Variants in VIPR2 observed in about 807,000 individuals in gnomAD.
The protein encoded by VIPR2 is vasoactive intestinal polypeptide receptor 2.
In VIPR2, 48 loss-of-function variants were observed where a neutral mutation model predicts 58.0. The observed-to-expected ratio is 0.83, with a 90% CI of 0.66 to 1.05. The LOEUF is 1.05. Ranked by LOEUF, VIPR2 falls within the 50% of genes least tolerant of loss-of-function variation. The pLI is 0.00. For synonymous variants in VIPR2, 243 were observed against 235.2 expected (o/e 1.03, Z -0.30); for missense variants, 534 against 558.0 (o/e 0.96, Z 0.43).
intron 7 of VIPR2, 121 bp from the exon 8 acceptor site, chr7:159,036,133 CTTGTTTA>C: frequency 8.3e-7 from 1 of 1,198,938 alleles, no homozygotes. Flanking sequence ...AGTGCAATCT[CTTGTTTA>C]AAGTCTTTGT....
At chr7:159,094,575 T>C (rs1316934182) in intron 4 of VIPR2, among the ~76,000 whole-genome samples, 2 of 152,234 alleles carry the variant, frequency 1.3e-5, no homozygotes, top group African/African-American at 4.8e-5. Flanking sequence ...TGCACTGCTG[T>C]TACCCCAAGT....
chr7:159,103,348 G>A (rs1858416234), intron 4 of VIPR2, among the ~76,000 whole-genome samples: 1 of 152,166 alleles, frequency 6.6e-6, no homozygotes, highest in South Asian at 2.1e-4. Context: ...CAGGGCTCAG[G>A]AAACCATGGC....
intron 5 of VIPR2, among the ~76,000 whole-genome samples, chr7:159,052,683 CAT>C (rs1057437591): frequency 6.6e-6 from 1 of 152,094 alleles, no homozygotes; most frequent in African/African-American, 2.4e-5. Context: ...ATATTAAAAA[CAT>C]AATATATCAA....
intron 2 of VIPR2, among the ~76,000 whole-genome samples, chr7:159,111,457 A>G (rs2129496340): frequency 6.6e-6 from 1 of 152,252 alleles, no homozygotes; most frequent in African/African-American, 2.4e-5. Flanking sequence ...AGGTTGGTGG[A>G]TCATTTGAGG....
Position 159,099,090 on chromosome 7 carries a change from G to A in VIPR2, c.357+4667C>T, listed in dbSNP as rs576775617. Among the ~76,000 whole-genome samples, 42 of 152,340 alleles carry A rather than the reference G, an allele frequency of 2.8e-4. No homozygotes were observed. The highest frequency in any genetic ancestry group is 9.6e-4 in the African/African-American group (40 of 41,580). ...GGAAGCGAGTCCCTAAACCAACCAA[G>A]TATTCAAAGTATTCAACGAGCAGAA... On this transcript the variant is annotated intron_variant, in intron 4 of 12. Transcript: ENST00000262178. This position sits in a 1 kb window ranked among gnomAD's most constrained non-coding sequence, Gnocchi z 4.2.
rs571227917 is a variant in VIPR2 at position 159,096,889 on chromosome 7, C to T, written c.357+6868G>A. ...TGGCTGAGACCACCCTCTCTGTGGC[C>T]GCCTTGCTGTCCCCGTTCCCATCAC... On this transcript the variant is annotated intron_variant, in intron 4 of 12. Transcript: ENST00000262178. This position sits in a 1 kb window ranked among gnomAD's most constrained non-coding sequence, Gnocchi z 5.5. The T allele has an allele frequency of 3.4e-5, 52 of 1,549,284 alleles. No homozygotes were observed. The East Asian group carries it at 6.8e-4, about 20-fold the overall frequency.
In VIPR2 at chr7:159,116,512, G is replaced by A. The variant is rs1002237293; in HGVS notation, c.152-6593C>T. Reference sequence around the variant, plus strand: ...GGCTGGAAGCTTCCAGGCAATGAGTGACTTTTCAATGTAGACTGGCAGTGG... The same window carrying A: ...GGCTGGAAGCTTCCAGGCAATGAGTAACTTTTCAATGTAGACTGGCAGTGG... On this transcript the variant is annotated intron_variant, in intron 2 of 12. Transcript: ENST00000262178. 2.0e-5 allele frequency among the ~76,000 whole-genome samples: 3 copies of A among 152,318 alleles called. No individual in the cohort carries two copies. The South Asian group carries it at 6.2e-4, about 32-fold the overall frequency.
At chr7:159,039,285 C>T (rs1454652561) in intron 6 of VIPR2, among the ~76,000 whole-genome samples, 3 of 151,784 alleles carry the variant, frequency 2.0e-5, no homozygotes, top group Non-Finnish European at 4.4e-5. Context: ...ATAGTGAAAC[C>T]CCATCTCTAC....
intron 4 of VIPR2, among the ~76,000 whole-genome samples, chr7:159,072,918 T>C (rs898571673): frequency 4.6e-5 from 7 of 152,244 alleles, no homozygotes; most frequent in Non-Finnish European, 1.0e-4. Flanking sequence ...ATTCTGGGGC[T>C]GTAAACATTT....
rs1294876677 is a variant in VIPR2, at chr7:159,127,533, T to A, written c.151+14913A>T. Among the ~76,000 whole-genome samples the A allele has an allele frequency of 6.6e-6, 1 of 152,220 alleles. No individual in the cohort carries two copies. Among genetic ancestry groups the A allele is most frequent in the Non-Finnish European group, 1.5e-5 (1 of 68,046 alleles). The stretch of plus-strand genomic sequence containing the variant: ...ATCCAAGTATGCTCCAAATTGAGCC[T>A]GAGTCAGTCCAATACATGTGGTTGG... On this transcript the variant is annotated intron_variant, in intron 2 of 12. Transcript: ENST00000262178. The surrounding 1 kb of genome is among the most constrained non-coding windows in gnomAD (Gnocchi z 4.6).
At position 159,127,537 on chromosome 7, in the gene VIPR2, T is replaced by G. The variant is rs1796699644; in HGVS notation, c.151+14909A>C. 6.6e-6 allele frequency among the ~76,000 whole-genome samples: 1 copy of G among 152,132 alleles called. No homozygotes were observed. Among genetic ancestry groups the G allele is most frequent in the Non-Finnish European group, 1.5e-5 (1 of 68,024 alleles). On this transcript the variant is annotated intron_variant, in intron 2 of 12. Coordinates refer to ENST00000262178, the MANE Select transcript of VIPR2 (RefSeq NM_003382.5). The surrounding 1 kb of genome is among the most constrained non-coding windows in gnomAD (Gnocchi z 4.6). ...AAGTATGCTCCAAATTGAGCCTGAG[T>G]CAGTCCAATACATGTGGTTGGGATC...
At chr7:159,107,001 G>A (rs1449376328) in intron 3 of VIPR2, among the ~76,000 whole-genome samples, 5 of 151,586 alleles carry the variant, frequency 3.3e-5, no homozygotes, top group Non-Finnish European at 7.4e-5. Context: ...GAGAGGCCAG[G>A]GAGGTGCAGA....
Position 159,031,863 on chromosome 7 carries a change from C to G in VIPR2, c.1108G>C (p.Val370Leu), listed in dbSNP as rs755778828. ...ELCLGSFQGL[V>L]VAVLYCFLNS... is the part of the protein sequence containing the mutation. ...AGGAAACAGTAGAGGACGGCCACCA[C>G]CAGGCCCTGCAATGAGAAGAGATGG... is the stretch of plus-strand genomic sequence containing the variant. The change falls in exon 12 of 13, where the codon GTG becomes CTG. Residue 370 changes from valine to leucine, a missense_variant. This residue lies in a region of VIPR2 where 306 missense variants were observed against 285.8 expected (regional missense o/e 1.07). Coordinates refer to ENST00000262178, the MANE Select transcript of VIPR2 (RefSeq NM_003382.5). The surrounding 1 kb of genome is among the most constrained non-coding windows in gnomAD (Gnocchi z 4.0). 7 of 1,614,060 alleles carry G rather than the reference C, an allele frequency of 4.3e-6. No homozygotes were observed. Among genetic ancestry groups the G allele is most frequent in the Non-Finnish European group, 4.2e-6 (5 of 1,180,036 alleles).
At chr7:159,083,391 G>A (rs927912237) in intron 4 of VIPR2, among the ~76,000 whole-genome samples, 2 of 152,236 alleles carry the variant, frequency 1.3e-5, no homozygotes, top group Admixed American at 6.5e-5. Context: ...CCCTAAAGCC[G>A]TGACCTCAGG....
chr7:159,065,078 T>C (rs1856005687), intron 4 of VIPR2, among the ~76,000 whole-genome samples: 1 of 152,194 alleles, frequency 6.6e-6, no homozygotes, highest in Non-Finnish European at 1.5e-5. Context: ...AACACGGTGT[T>C]GGAACCCCAC....
intron 6 of VIPR2, among the ~76,000 whole-genome samples, chr7:159,040,060 A>T (rs181621000): frequency 1.7e-3 from 254 of 152,346 alleles, no homozygotes; most frequent in Non-Finnish European, 5.6e-4. Context: ...TTTCTTCTTA[A>T]ATGGGAACAA....
intron 2 of VIPR2, among the ~76,000 whole-genome samples, chr7:159,115,224 C>T (rs117626674): frequency 0.014 from 2,133 of 152,302 alleles, 32 homozygotes; most frequent in Admixed American, 0.034. Flanking sequence ...AAATTCTACT[C>T]GACAGCACTG....
intron 5 of VIPR2, among the ~76,000 whole-genome samples, chr7:159,057,873 C>A (rs1432107283): frequency 2.6e-5 from 4 of 152,202 alleles, no homozygotes; most frequent in Non-Finnish European, 5.9e-5. Flanking sequence ...GGGGCCATCT[C>A]ACCTCACTGC....
rs371129197 is a variant in VIPR2 at position 159,040,818 on chromosome 7, G to A, written c.597+2217C>T. 2.8e-4 allele frequency among the ~76,000 whole-genome samples: 43 copies of A among 152,318 alleles called. No homozygotes were observed. In the South Asian group the frequency reaches 4.8e-3, roughly 17 times the overall value. ...GCCTGAGCGTTCTTTAGAGGACAGC[G>A]AGAGGGAAGACCCAGCTTGGCTCCT... is the stretch of plus-strand genomic sequence containing the variant. On this transcript the variant is annotated intron_variant, in intron 6 of 12. Coordinates refer to ENST00000262178, the MANE Select transcript of VIPR2 (RefSeq NM_003382.5).
Sources: gnomAD v4.1 joint callset for allele counts (sites outside exome capture counted in the v4.1 genomes callset) on GRCh38, gnomAD v4.1.1 for gene constraint, gnomAD v4.1.1 regional missense constraint, Gnocchi (gnomAD v3.1) non-coding constraint, MANE v1.5 for transcripts, NCBI Gene and HGNC (gene_info 2026-07-23, HGNC 2026-07-21) for gene names.